The following GFPT1 variants were observed in gnomAD, a reference collection of about 807,000 sequenced individuals.
The protein encoded by GFPT1 is glutamine--fructose-6-phosphate transaminase 1.
A neutral mutation model predicts 92.0 loss-of-function variants in GFPT1; 40 were observed. The observed-to-expected ratio is 0.43, with a 90% CI of 0.34 to 0.57. GFPT1 has a LOEUF of 0.57. GFPT1 is among the 20% of genes least tolerant of loss of function. The pLI is 0.02. For synonymous variants in GFPT1, 269 were observed against 280.6 expected, an observed-to-expected ratio of 0.96 and a Z score of 0.41; for missense variants, 448 against 869.1, an observed-to-expected ratio of 0.52 and a Z score of 6.09.
intron 1 of GFPT1, among the ~76,000 whole-genome samples, chr2:69,385,426 C>T (rs6705460): frequency 0.66 from 99,746 of 151,428 alleles, 34,228 homozygotes; most frequent in African/African-American, 0.87. Flanking sequence ...AGTTTCACCA[C>T]GTTGGCCAGG....
At chr2:69,330,993 T>G (rs1670650023) in intron 15 of GFPT1, among the ~76,000 whole-genome samples, 1 of 152,212 alleles carries the variant, frequency 6.6e-6, no homozygotes. Context: ...ACTATAAATT[T>G]TATTGATGAC....
chr2:69,377,492 T>TACAA (rs544350284), intron 1 of GFPT1, among the ~76,000 whole-genome samples: 1 of 53,782 alleles, frequency 1.9e-5, no homozygotes, highest in African/African-American at 1.2e-4. Context: ...CTACTAAAAA[T>TACAA]AAAAATAAAA....
intron 18 of GFPT1, 68 bp from the exon 19 acceptor site, chr2:69,327,143 T>C: frequency 2.8e-6 from 4 of 1,439,258 alleles, no homozygotes; most frequent in South Asian, 2.3e-5. Flanking sequence ...AGCTTACGAA[T>C]GTGCAAAAAT....
intron 4 of GFPT1, 103 bp downstream of exon 4, chr2:69,363,442 C>T: frequency 8.2e-7 from 1 of 1,226,466 alleles, no homozygotes; most frequent in Non-Finnish European, 1.2e-6. Context: ...TTGAAATTTT[C>T]CAGATGAAAA....
chr2:69,352,903 G>A (rs568472440), intron 9 of GFPT1, among the ~76,000 whole-genome samples: 15 of 151,746 alleles, frequency 9.9e-5, no homozygotes, highest in East Asian at 5.9e-4. Context: ...AAAGTTAGCC[G>A]GGTGTGGTGG....
Position 69,319,905 on chromosome 2 carries a change from C to T in GFPT1, c.*6284G>A, listed in dbSNP as rs533940046. On this transcript the variant is annotated 3_prime_UTR_variant, in exon 20 of 20. Coordinates refer to ENST00000357308, the MANE Select transcript of GFPT1 (RefSeq NM_001244710.2). ...TACAATAGGAAAAAACCAAAAGCCC[C>T]CATAAATTAGAGTGGCTAGACACAT... is the stretch of plus-strand genomic sequence containing the variant. 4.2e-4 allele frequency: 64 copies of T among 152,138 alleles called. No individual in the cohort carries two copies. The highest frequency in any genetic ancestry group is 7.6e-4 in the Non-Finnish European group (52 of 68,030). 9.4% of individuals were successfully genotyped at this position (152,138 alleles called of 1,614,324 possible). A position where few individuals can be genotyped will look rare whatever the true frequency, so the allele number is the denominator to read the frequency against.
chr2:69,385,864 C>T (rs1672116851), intron 1 of GFPT1, among the ~76,000 whole-genome samples: 1 of 151,532 alleles, frequency 6.6e-6, no homozygotes, highest in African/African-American at 2.4e-5. Context: ...TAAATTTAAA[C>T]CTGCTCCTCA....
chr2:69,371,059 T>C (rs1207892185), intron 2 of GFPT1, among the ~76,000 whole-genome samples: 2 of 151,264 alleles, frequency 1.3e-5, no homozygotes, highest in African/African-American at 2.4e-5. Context: ...GTATTCAGCT[T>C]ATTTTTCTTT....
At chr2:69,335,073 C>A (rs979817454) in intron 15 of GFPT1, among the ~76,000 whole-genome samples, 2 of 151,996 alleles carry the variant, frequency 1.3e-5, no homozygotes, top group Non-Finnish European at 2.9e-5. Flanking sequence ...GTGGTGTGAT[C>A]ATGGCTCACT....
At position 69,374,092 on chromosome 2, in the gene GFPT1, T is replaced by C. The variant is rs1553393940; in HGVS notation, c.29A>G (p.Tyr10Cys). 6.3e-7 allele frequency: 1 copy of C among 1,580,308 alleles called. No individual in the cohort carries two copies. Among genetic ancestry groups the C allele is most frequent in the Non-Finnish European group, 8.7e-7 (1 of 1,150,872 alleles). The part of the protein sequence containing the change: MCGIFAYLN[Y>C]HVPRTRREIL... ...TTCTCGTCTCGTTCGAGGAACATGG[T>C]AGTTTAAGTAAGCAAATATACCTGC... Residue 10 changes from tyrosine (Y) to cysteine (C), a missense_variant, in exon 2 of 20, where the codon TAC (tyrosine) becomes TGC (cysteine). By Grantham distance (194) the Tyr-to-Cys change is radical. Coordinates refer to ENST00000357308, the MANE Select transcript of GFPT1 (RefSeq NM_001244710.2).
At chr2:69,377,886 G>C (rs1671916981) in intron 1 of GFPT1, among the ~76,000 whole-genome samples, 1 of 152,176 alleles carries the variant, frequency 6.6e-6, no homozygotes, top group African/African-American at 2.4e-5. Context: ...CAATTCATCA[G>C]GTACACAGGG....
chr2:69,329,245 G>A, intron 17 of GFPT1, 52 bp downstream of exon 17: 2 of 1,559,752 alleles, frequency 1.3e-6, no homozygotes, highest in African/African-American at 2.7e-5. Context: ...ATGACTATGT[G>A]TCAGGTCTGC....
chr2:69,326,057 A>T lies in GFPT1; in HGVS notation c.*132T>A. ...AAATCACATATTGAGTGGAATAATTATAACTGATATATAAATAAGGATTTA... is the reference window on the plus strand; with the variant it reads ...AAATCACATATTGAGTGGAATAATTTTAACTGATATATAAATAAGGATTTA... On this transcript the variant is annotated 3_prime_UTR_variant, in exon 20 of 20. Coordinates refer to ENST00000357308, the MANE Select transcript of GFPT1 (RefSeq NM_001244710.2). 1.5e-6 allele frequency: 1 copy of T among 645,908 alleles called. No individual in the cohort carries two copies. The highest frequency in any genetic ancestry group is 1.8e-5 in the South Asian group (1 of 54,580). The allele number at this position is 645,908 out of a possible 1,614,324, so 40.0% of individuals were successfully genotyped here. A position where few individuals can be genotyped will look rare whatever the true frequency, so the allele number is the denominator to read the frequency against.
chr2:69,354,349 G>A (rs762876983), intron 8 of GFPT1, 37 bp from the exon 9 acceptor site: 1 of 1,528,536 alleles, frequency 6.5e-7, no homozygotes, highest in South Asian at 1.1e-5. Flanking sequence ...CTAATCATCA[G>A]AGAACTCACA....
chr2:69,336,470 A>C (rs1315265017), intron 15 of GFPT1, among the ~76,000 whole-genome samples: 3 of 152,124 alleles, frequency 2.0e-5, no homozygotes, highest in Middle Eastern at 3.2e-3. Flanking sequence ...GTACACATTA[A>C]CATTGTCTTT....
Position 69,358,369 on chromosome 2 carries a change from G to T in GFPT1, c.503C>A (p.Thr168Asn), listed in dbSNP as rs777485110. The T allele has an allele frequency of 1.9e-6, 3 of 1,611,402 alleles. No homozygotes were observed. In the South Asian group the frequency reaches 3.3e-5, roughly 18 times the overall value. ...YMYDNRESQD[T>N]SFTTLVERVI... ...TCTCTCCACCAAGGTAGTAAAGCTG[G>T]TATCTTGACTTTCCCGATTGTCATA... The change falls in exon 6 of 20, where the codon ACC becomes AAC. Residue 168 changes from threonine (T) to asparagine (N), a missense_variant. Physicochemically the swap from Thr to Asn is moderately conservative, Grantham distance 65. Around this residue, in one of 7 missense-constraint regions of GFPT1, gnomAD observed 118 missense variants for 192.9 expected, o/e 0.61. Transcript: ENST00000357308.
At chr2:69,378,054 C>T (rs1369501050) in intron 1 of GFPT1, among the ~76,000 whole-genome samples, 4 of 152,130 alleles carry the variant, frequency 2.6e-5, no homozygotes, top group African/African-American at 7.2e-5. Flanking sequence ...CTCGCTTTGT[C>T]GCCAAGGCTG....
intron 13 of GFPT1, among the ~76,000 whole-genome samples, chr2:69,341,377 T>A (rs958211037): frequency 6.6e-6 from 1 of 152,142 alleles, no homozygotes; most frequent in Non-Finnish European, 1.5e-5. Context: ...GCAAAGCTTG[T>A]TGAGATGCAA....
intron 9 of GFPT1, among the ~76,000 whole-genome samples, chr2:69,353,008 T>C (rs1671249273): frequency 6.6e-6 from 1 of 152,164 alleles, no homozygotes; most frequent in South Asian, 2.1e-4. Context: ...ATCATGTCAC[T>C]GCACTCCAGC....
Sources: allele counts gnomAD v4.1 joint callset (sites outside exome capture counted in the v4.1 genomes callset), GRCh38; gene constraint gnomAD v4.1.1; regional missense constraint gnomAD v4.1.1; transcripts MANE v1.5; gene names NCBI Gene and HGNC (gene_info 2026-07-23, HGNC 2026-07-21).